SEMA5A: variants seen among roughly 807,000 people sequenced by gnomAD.
SEMA5A encodes the protein semaphorin 5A.
A neutral mutation model predicts 135.5 loss-of-function variants in SEMA5A; 55 were observed. The observed-to-expected ratio is 0.41, with a 90% CI of 0.33 to 0.51. SEMA5A has a LOEUF of 0.51. SEMA5A is among the 20% of genes least tolerant of loss of function. SEMA5A has a pLI of 0.37. For missense variants in SEMA5A, 1,290 were observed against 1,419.9 expected (o/e 0.91, Z 1.47); for synonymous variants, 580 against 546.5 (o/e 1.06, Z -0.85).
Position 9,240,029 on chromosome 5 carries a change from A to T in SEMA5A, c.271-2139T>A, listed in dbSNP as rs193174608. ...AATAGCCTTTGCATTTTCAAGATAAATATTGGCCAAAGATTGAAAGGGAAA... is the reference window on the plus strand; with the variant it reads ...AATAGCCTTTGCATTTTCAAGATAATTATTGGCCAAAGATTGAAAGGGAAA... On this transcript the variant is annotated intron_variant, in intron 5 of 22. Transcript: ENST00000382496. Among the ~76,000 whole-genome samples, 28 of 152,168 alleles carry T rather than the reference A, an allele frequency of 1.8e-4. 1 individual carries two copies. The East Asian group carries it at 4.4e-3, about 24-fold the overall frequency.
rs11377429 is a variant in SEMA5A at position 9,075,556 on chromosome 5, C to CAA, written c.2074-8912_2074-8911dup. Among the ~76,000 whole-genome samples the CAA allele has an allele frequency of 4.9e-3, 719 of 146,126 alleles. 5 individuals are homozygous for CAA. Among genetic ancestry groups the CAA allele is most frequent in the South Asian group, 0.016 (76 of 4,624 alleles). ...ATAATTATGCACATAAAAAAGCCAG[C>CAA]AAAAAAAAAAAGGTGTGACACTGTA... On this transcript the variant is annotated intron_variant, in intron 16 of 22. Coordinates refer to ENST00000382496, the MANE Select transcript of SEMA5A (RefSeq NM_003966.3).
intron 15 of SEMA5A, among the ~76,000 whole-genome samples, chr5:9,110,878 T>C (rs1332090019): frequency 1.3e-5 from 2 of 152,118 alleles, no homozygotes; most frequent in Non-Finnish European, 2.9e-5. Context: ...CACTGGACAT[T>C]CCTACACGTA....
chr5:9,258,803 C>CATT (rs1749229625), intron 5 of SEMA5A, among the ~76,000 whole-genome samples: 1 of 48,984 alleles, frequency 2.0e-5, no homozygotes, highest in South Asian at 9.8e-4. Flanking sequence ...TTCTTTCTTT[C>CATT]TTTTTTTTTT....
At chr5:9,481,132 A>G (rs1759861407) in intron 1 of SEMA5A, among the ~76,000 whole-genome samples, 1 of 152,098 alleles carries the variant, frequency 6.6e-6, no homozygotes, top group Non-Finnish European at 1.5e-5. Context: ...TTTTTAGTAG[A>G]GATGGAGTTT....
At chr5:9,378,578 C>T (rs1371383776) in intron 3 of SEMA5A, among the ~76,000 whole-genome samples, 1 of 152,196 alleles carries the variant, frequency 6.6e-6, no homozygotes, top group East Asian at 1.9e-4. Context: ...ATATTTGAAG[C>T]ACACAATCAG....
At chr5:9,243,216 ATCTG>A in intron 5 of SEMA5A, among the ~76,000 whole-genome samples, 1 of 152,212 alleles carries the variant, frequency 6.6e-6, no homozygotes, top group African/African-American at 2.4e-5. Flanking sequence ...TTGAGGGACA[ATCTG>A]TCTGGGCCCC....
intron 4 of SEMA5A, among the ~76,000 whole-genome samples, chr5:9,337,192 G>C (rs1275861915): frequency 6.6e-6 from 1 of 152,152 alleles, no homozygotes; most frequent in African/African-American, 2.4e-5. Flanking sequence ...CAATTTACTG[G>C]TATATGGCCT....
At chr5:9,406,771 C>T (rs1037718350) in intron 2 of SEMA5A, among the ~76,000 whole-genome samples, 7 of 152,110 alleles carry the variant, frequency 4.6e-5, no homozygotes, top group South Asian at 2.1e-4. Flanking sequence ...GAAATGTTTA[C>T]GTGAAGAGAA....
intron 11 of SEMA5A, among the ~76,000 whole-genome samples, chr5:9,171,539 C>A (rs1579535782): frequency 1.3e-5 from 2 of 152,144 alleles, no homozygotes; most frequent in Admixed American, 1.3e-4. Flanking sequence ...GAGTCCAGGG[C>A]CCCCAGCTCT....
chr5:9,101,755 T>G (rs1739645004), intron 16 of SEMA5A, among the ~76,000 whole-genome samples: 1 of 152,098 alleles, frequency 6.6e-6, no homozygotes, highest in Admixed American at 6.6e-5. Flanking sequence ...TCATATAGGG[T>G]CTGCATTAGT....
intron 18 of SEMA5A, among the ~76,000 whole-genome samples, chr5:9,056,448 A>G (rs149683205): frequency 2.5e-4 from 38 of 152,328 alleles, no homozygotes; most frequent in African/African-American, 8.9e-4. Context: ...GAGGCCGGGC[A>G]TGGTGGCTCA....
intron 3 of SEMA5A, among the ~76,000 whole-genome samples, chr5:9,364,979 T>C (rs1193990432): frequency 6.6e-6 from 1 of 152,236 alleles, no homozygotes; most frequent in African/African-American, 2.4e-5. Flanking sequence ...AAAACATGTA[T>C]TGAGTACTCA....
At chr5:9,227,890 A>T (rs1246085570) in intron 6 of SEMA5A, among the ~76,000 whole-genome samples, 1 of 152,216 alleles carries the variant, frequency 6.6e-6, no homozygotes, top group East Asian at 1.9e-4. Context: ...AAGTGAAAAT[A>T]TGCTTAATGA....
intron 11 of SEMA5A, among the ~76,000 whole-genome samples, chr5:9,188,077 G>C (rs1020055806): frequency 2.0e-5 from 3 of 152,188 alleles, no homozygotes; most frequent in Admixed American, 1.3e-4. Flanking sequence ...AATGTAATTA[G>C]GAGACGGGGC....
intron 1 of SEMA5A, among the ~76,000 whole-genome samples, chr5:9,468,337 T>G (rs1401332083): frequency 6.6e-6 from 1 of 152,212 alleles, no homozygotes; most frequent in Non-Finnish European, 1.5e-5. Flanking sequence ...TTGACAAATC[T>G]TACCCAGAGT....
chr5:9,412,941 A>G (rs1757155804), intron 2 of SEMA5A, among the ~76,000 whole-genome samples: 1 of 152,164 alleles, frequency 6.6e-6, no homozygotes. Flanking sequence ...TTACCATGGC[A>G]AAGCATTCCT....
chr5:9,337,637 GA>G (rs1428917641), intron 4 of SEMA5A, 75 bp downstream of exon 4: 12 of 890,926 alleles, frequency 1.3e-5, no homozygotes, highest in Non-Finnish European at 2.0e-5. Flanking sequence ...TTTTGTCAGT[GA>G]AGGTCACATG....
intron 2 of SEMA5A, among the ~76,000 whole-genome samples, chr5:9,417,233 G>A (rs1757313129): frequency 1.3e-5 from 2 of 152,158 alleles, no homozygotes; most frequent in Admixed American, 6.5e-5. Flanking sequence ...AAAACCAGTT[G>A]TACACAATTC....
intron 5 of SEMA5A, among the ~76,000 whole-genome samples, chr5:9,285,984 A>T (rs1436619126): frequency 6.6e-6 from 1 of 152,250 alleles, no homozygotes; most frequent in Non-Finnish European, 1.5e-5. Flanking sequence ...TATATTGTAT[A>T]TGCTTGTATC....
Sources: allele counts gnomAD v4.1 joint callset (sites outside exome capture counted in the v4.1 genomes callset), GRCh38; gene constraint gnomAD v4.1.1; transcripts MANE v1.5; gene names NCBI Gene and HGNC (gene_info 2026-07-23, HGNC 2026-07-21).